Variants in HIVEP3 observed in about 807,000 individuals in gnomAD.
The protein encoded by HIVEP3 is transcription factor HIVEP3.
In HIVEP3, 49 loss-of-function variants were observed where a neutral mutation model predicts 152.8. The ratio of observed to expected loss-of-function variants is 0.32; its 90% CI spans 0.26 to 0.41. The LOEUF (loss-of-function observed/expected upper bound fraction) is 0.41. HIVEP3 is among the 10% of genes least tolerant of loss of function. The pLI is 1.00. For missense variants in HIVEP3, 2,790 were observed against 3,103.3 expected, an observed-to-expected ratio of 0.90 and a Z score of 2.40; for synonymous variants, 1,269 against 1,289.0, an observed-to-expected ratio of 0.98 and a Z score of 0.33.
At chr1:41,999,028 T>C (rs1045416031) in intron 1 of HIVEP3, among the ~76,000 whole-genome samples, 1 of 150,296 alleles carries the variant, frequency 6.7e-6, no homozygotes, top group Non-Finnish European at 1.5e-5. Context: ...CCCAAGAAGC[T>C]GGGACTACAG....
chr1:41,787,249 G>A (rs1009107514), intron 1 of HIVEP3, among the ~76,000 whole-genome samples: 21 of 152,180 alleles, frequency 1.4e-4, no homozygotes, highest in Admixed American at 2.0e-4. Context: ...CTGACAGGAT[G>A]CAAAGGTGAA....
chr1:41,765,720 C>T (rs1194374567), intron 1 of HIVEP3, among the ~76,000 whole-genome samples: 2 of 152,216 alleles, frequency 1.3e-5, no homozygotes, highest in African/African-American at 4.8e-5. Context: ...TCCCAATCCC[C>T]TGGTACAACA....
intron 1 of HIVEP3, among the ~76,000 whole-genome samples, chr1:41,932,220 G>T (rs1399643328): frequency 2.6e-5 from 4 of 151,546 alleles, no homozygotes; most frequent in Non-Finnish European, 5.9e-5. Context: ...CTTTTCCTTG[G>T]TTCTGTAAAT....
intron 1 of HIVEP3, among the ~76,000 whole-genome samples, chr1:41,963,611 A>G (rs944039645): frequency 6.6e-6 from 1 of 152,138 alleles, no homozygotes; most frequent in Non-Finnish European, 1.5e-5. Flanking sequence ...CCAACATGGC[A>G]CATGTATACA....
Position 41,782,806 on chromosome 1 carries a change from G to A in HIVEP3, c.-800-81811C>T, listed in dbSNP as rs543998943. ...TTTTACAAAAAGAAAAGTGACTACA[G>A]AGGAGTTTAAGACCACAATATAATG... On this transcript the variant is annotated intron_variant, in intron 1 of 8. Transcript: ENST00000372583. Among the ~76,000 whole-genome samples, 327 of 151,544 alleles carry A rather than the reference G, an allele frequency of 2.2e-3. 1 individual carries two copies. Among genetic ancestry groups the A allele is most frequent in the Non-Finnish European group, 3.9e-3 (262 of 67,970 alleles).
At chr1:41,891,436 T>C (rs1218616981) in intron 1 of HIVEP3, among the ~76,000 whole-genome samples, 1 of 152,192 alleles carries the variant, frequency 6.6e-6, no homozygotes, top group Non-Finnish European at 1.5e-5. Context: ...AATGAAGTGG[T>C]GGTGTCACGG....
In HIVEP3 at chr1:41,584,527, G is replaced by A. The variant is rs1644473952; in HGVS notation, c.271C>T (p.His91Tyr). ...PKRPPIEASV[H>Y]ISQLPQHPLT... ...GGGTGCTGCGGAAGCTGTGAGATGT[G>A]GACGGATGCTTCGATGGGGGGCCTT... Residue 91 changes from histidine (H) to tyrosine (Y), a missense_variant, in exon 4 of 9, where the codon CAC becomes TAC. Coordinates refer to ENST00000372583, the MANE Select transcript of HIVEP3 (RefSeq NM_024503.5). The surrounding 1 kb of genome is among the most constrained non-coding windows in gnomAD (Gnocchi z 5.2). 6.2e-7 allele frequency: 1 copy of A among 1,614,134 alleles called. No homozygotes were observed. Among genetic ancestry groups the A allele is most frequent in the Non-Finnish European group, 8.5e-7 (1 of 1,180,038 alleles).
chr1:41,655,650 C>T (rs182156575), intron 2 of HIVEP3, among the ~76,000 whole-genome samples: 25 of 151,074 alleles, frequency 1.7e-4, no homozygotes, highest in South Asian at 1.0e-3. Context: ...TCCCTCCCCA[C>T]GGCATTCTCT....
At chr1:41,942,914 T>C (rs1175975515) in intron 1 of HIVEP3, among the ~76,000 whole-genome samples, 4 of 152,142 alleles carry the variant, frequency 2.6e-5, no homozygotes, top group Non-Finnish European at 4.4e-5. Flanking sequence ...TTTTTTCTTT[T>C]TTTGAGACGG....
intron 1 of HIVEP3, among the ~76,000 whole-genome samples, chr1:41,736,699 A>G (rs977102183): frequency 1.3e-4 from 20 of 152,200 alleles, no homozygotes; most frequent in Admixed American, 1.1e-3. Context: ...ACTGCCTTCC[A>G]GACTCTGTAC....
intron 1 of HIVEP3, among the ~76,000 whole-genome samples, chr1:41,915,959 T>C (rs928918121): frequency 2.0e-5 from 3 of 152,174 alleles, no homozygotes; most frequent in African/African-American, 7.2e-5. Context: ...CAGGGACTCC[T>C]TGATGGGCAG....
At chr1:41,998,126 AGTCT>A (rs1040928861) in intron 1 of HIVEP3, among the ~76,000 whole-genome samples, 18 of 152,286 alleles carry the variant, frequency 1.2e-4, no homozygotes, top group Middle Eastern at 3.4e-3. Flanking sequence ...GAGTGTTAAA[AGTCT>A]GTCTGTTAAA....
chr1:41,777,528 T>G (rs970124484), intron 1 of HIVEP3, among the ~76,000 whole-genome samples: 3 of 152,216 alleles, frequency 2.0e-5, no homozygotes, highest in African/African-American at 7.2e-5. Context: ...TCCACGGTAT[T>G]TAACTATTAT....
At position 41,591,676 on chromosome 1, in the gene HIVEP3, G is replaced by A. The variant is rs117145138; in HGVS notation, c.-521-6358C>T. Among the ~76,000 whole-genome samples, 19 of 151,830 alleles carry A rather than the reference G, an allele frequency of 1.3e-4. No individual in the cohort carries two copies. The East Asian group carries it at 3.3e-3, about 26-fold the overall frequency. ...CTTTGCAGCCTCCAATGTACTTCTT[G>A]GTCACTGGATTTTCATGAGATAATG... On this transcript the variant is annotated intron_variant, in intron 3 of 8. Transcript: ENST00000372583.
In HIVEP3 at chr1:41,581,989, T is replaced by C. The variant is rs1644418348; in HGVS notation, c.2809A>G (p.Asn937Asp). The C allele has an allele frequency of 6.2e-7, 1 of 1,614,144 alleles. No individual in the cohort carries two copies. The highest frequency in any genetic ancestry group is 8.5e-7 in the Non-Finnish European group (1 of 1,180,028). ...CGGCTGGACCCACTCAAAGAGACAT[T>C]GCTTTCCTGGCTCGGGCTGCGAGAC... ...PLSRSPSQESNVSLSGSSRSA... is the reference protein window; with the variant it reads ...PLSRSPSQESDVSLSGSSRSA... Residue 937 changes from asparagine (N) to aspartate (D), a missense_variant, in exon 4 of 9, where the codon AAT becomes GAT. This residue lies in a region of HIVEP3 where 1,078 missense variants were observed against 1,165.3 expected (regional missense o/e 0.93). Transcript: ENST00000372583. The surrounding 1 kb of genome is among the most constrained non-coding windows in gnomAD (Gnocchi z 4.5).
rs576446045 is a variant in HIVEP3, at chr1:41,873,906, C to G, written c.-801+44507G>C. 7.2e-5 allele frequency among the ~76,000 whole-genome samples: 11 copies of G among 152,326 alleles called. No individual in the cohort carries two copies. The highest frequency in any genetic ancestry group is 2.2e-4 in the African/African-American group (9 of 41,574). The stretch of plus-strand genomic sequence containing the variant: ...TTCTCAAAGCAACTGGCCCAGGCAG[C>G]CTTGTACTTGCTTCATTCTGGGGTC... On this transcript the variant is annotated intron_variant, in intron 1 of 8. Transcript: ENST00000372583. The surrounding 1 kb of genome is among the most constrained non-coding windows in gnomAD (Gnocchi z 4.2).
chr1:41,620,045 T>C (rs1433019228), intron 3 of HIVEP3, among the ~76,000 whole-genome samples: 1 of 152,042 alleles, frequency 6.6e-6, no homozygotes, highest in African/African-American at 2.4e-5. Context: ...TGAATATCTG[T>C]TGAATGAATA....
intron 1 of HIVEP3, among the ~76,000 whole-genome samples, chr1:41,811,345 T>A (rs1435678692): frequency 3.3e-5 from 5 of 151,200 alleles, no homozygotes; most frequent in Admixed American, 2.6e-4. Context: ...AGGATCCATG[T>A]CTTCTGCTTG....
In HIVEP3 at chr1:41,583,074, T is replaced by A. The variant is rs2810566; in HGVS notation, c.1724A>T (p.His575Leu). Reference protein sequence around the residue: ...DHITDSEALSHSSHVFTSHPR... With the variant: ...DHITDSEALSLSSHVFTSHPR... ...GTGGGAGGTAAACACGTGACTGCTG[T>A]GGCTCAGGGCTTCGGAGTCGGTGAT... The change falls in exon 4 of 9, where the codon CAC (histidine) becomes CTC (leucine). Residue 575 changes from histidine (H) to leucine (L), a missense_variant. His to Leu is a moderately conservative substitution (Grantham distance 99). Transcript: ENST00000372583. This position sits in a 1 kb window ranked among gnomAD's most constrained non-coding sequence, Gnocchi z 6.9. 5.0e-6 allele frequency: 8 copies of A among 1,613,764 alleles called. No homozygotes were observed. The highest frequency in any genetic ancestry group is 4.5e-5 in the East Asian group (2 of 44,830).
Sources: gnomAD v4.1 joint callset for allele counts (sites outside exome capture counted in the v4.1 genomes callset) on GRCh38, gnomAD v4.1.1 for gene constraint, gnomAD v4.1.1 regional missense constraint, Gnocchi (gnomAD v3.1) non-coding constraint, MANE v1.5 for transcripts, NCBI Gene and HGNC (gene_info 2026-07-23, HGNC 2026-07-21) for gene names.